BMPR1B: variants seen among roughly 807,000 people sequenced by gnomAD.
BMPR1B encodes bone morphogenetic protein receptor type-1B.
BMPR1B carries 12 observed loss-of-function variants against 59.1 expected under a neutral mutation model. The observed-to-expected ratio is 0.20, with a 90% CI of 0.13 to 0.33. The LOEUF is 0.33. Among genes scored for constraint, BMPR1B ranks in the 10% least tolerant of loss-of-function variants. The pLI, the probability that BMPR1B is intolerant of heterozygous loss-of-function variation, is 1.00. For missense variants in BMPR1B, 550 were observed against 610.9 expected (o/e 0.90, Z 1.05); for synonymous variants, 237 against 207.3 (o/e 1.14, Z -1.23).
At chr4:95,113,031 G>C (rs895062065) in intron 4 of BMPR1B, among the ~76,000 whole-genome samples, 1 of 152,044 alleles carries the variant, frequency 6.6e-6, no homozygotes, top group Non-Finnish European at 1.5e-5. Flanking sequence ...GATGAGAAAT[G>C]TAAGTTATAC....
intron 10 of BMPR1B, among the ~76,000 whole-genome samples, chr4:95,148,248 A>G (rs1010450604): frequency 5.3e-5 from 8 of 152,216 alleles, no homozygotes; most frequent in African/African-American, 1.9e-4. Context: ...TCATGTGTGC[A>G]TGCCCATTTT....
chr4:94,934,110 A>C (rs986593136), intron 2 of BMPR1B, among the ~76,000 whole-genome samples: 4 of 152,144 alleles, frequency 2.6e-5, no homozygotes, highest in African/African-American at 9.7e-5. Flanking sequence ...GTTTTTGGAA[A>C]TATGTGATTT....
At chr4:95,096,565 TTC>T (rs1730386649) in intron 3 of BMPR1B, among the ~76,000 whole-genome samples, 1 of 150,916 alleles carries the variant, frequency 6.6e-6, no homozygotes, top group African/African-American at 2.4e-5. Context: ...GTGAAAATAA[TTC>T]TATTGTTTAT....
chr4:94,880,765 G>A (rs1243462966), intron 2 of BMPR1B, among the ~76,000 whole-genome samples: 1 of 149,306 alleles, frequency 6.7e-6, no homozygotes, highest in Non-Finnish European at 1.5e-5. Context: ...AGCCTCCCAA[G>A]TAGCTGAGAT....
Position 95,079,825 on chromosome 4 carries a change from A to G in BMPR1B, c.-17-24583A>G, listed in dbSNP as rs533220628. ...CAAAACAAAAGCTATCAAATAGGCAAACAAAAGCAAAAATCAACCAAGACT... is the reference window on the plus strand; with the variant it reads ...CAAAACAAAAGCTATCAAATAGGCAGACAAAAGCAAAAATCAACCAAGACT... On this transcript the variant is annotated intron_variant, in intron 3 of 12. Coordinates refer to ENST00000515059, the MANE Select transcript of BMPR1B (RefSeq NM_001203.3). Among the ~76,000 whole-genome samples, 4 of 152,172 alleles carry G rather than the reference A, an allele frequency of 2.6e-5. No homozygotes were observed. The South Asian group carries it at 8.3e-4, about 32-fold the overall frequency.
At chr4:95,002,133 C>T (rs1438190732) in intron 3 of BMPR1B, among the ~76,000 whole-genome samples, 1 of 152,088 alleles carries the variant, frequency 6.6e-6, no homozygotes, top group Non-Finnish European at 1.5e-5. Flanking sequence ...TTCCTACCTT[C>T]CCTCCCTCCA....
At chr4:95,135,718 C>G (rs1370790119) in intron 10 of BMPR1B, among the ~76,000 whole-genome samples, 7 of 152,112 alleles carry the variant, frequency 4.6e-5, no homozygotes, top group Non-Finnish European at 1.0e-4. Context: ...ATTTTGTATC[C>G]TGAGACTTTG....
At chr4:95,100,923 A>G (rs969758810) in intron 3 of BMPR1B, among the ~76,000 whole-genome samples, 3 of 152,182 alleles carry the variant, frequency 2.0e-5, no homozygotes, top group Non-Finnish European at 1.5e-5. Context: ...TTTCTTTAAT[A>G]TAATCTACTT....
At chr4:95,137,424 T>C (rs896867520) in intron 10 of BMPR1B, among the ~76,000 whole-genome samples, 1 of 152,196 alleles carries the variant, frequency 6.6e-6, no homozygotes, top group Non-Finnish European at 1.5e-5. Flanking sequence ...GTCTATTAGG[T>C]CTGCTTGGTG....
At chr4:94,950,003 T>C (rs899052202) in intron 2 of BMPR1B, among the ~76,000 whole-genome samples, 2 of 152,242 alleles carry the variant, frequency 1.3e-5, no homozygotes, top group Non-Finnish European at 2.9e-5. Flanking sequence ...TGAGATGATA[T>C]CTCATTGTGG....
intron 2 of BMPR1B, among the ~76,000 whole-genome samples, chr4:94,910,639 G>A (rs1728236685): frequency 6.6e-6 from 1 of 152,086 alleles, no homozygotes; most frequent in Admixed American, 6.6e-5. Context: ...CAGGTATGGT[G>A]GCTTATGCCT....
intron 3 of BMPR1B, among the ~76,000 whole-genome samples, chr4:95,052,777 G>A (rs190411976): frequency 4.6e-5 from 7 of 152,194 alleles, no homozygotes; most frequent in African/African-American, 7.2e-5. Flanking sequence ...TACTTATACC[G>A]TATACATAAG....
At chr4:95,055,526 T>A (rs1726856447) in intron 3 of BMPR1B, among the ~76,000 whole-genome samples, 1 of 152,218 alleles carries the variant, frequency 6.6e-6, no homozygotes. Flanking sequence ...AAATGTTTTC[T>A]ACTACAGCTA....
chr4:94,852,160 T>C (rs1401157682), intron 1 of BMPR1B, among the ~76,000 whole-genome samples: 1 of 152,154 alleles, frequency 6.6e-6, no homozygotes, highest in Non-Finnish European at 1.5e-5. Flanking sequence ...GGATTAGGTG[T>C]AAGGAGGTAC....
intron 1 of BMPR1B, among the ~76,000 whole-genome samples, chr4:94,782,595 C>T (rs1050900545): frequency 3.3e-5 from 5 of 152,134 alleles, no homozygotes; most frequent in African/African-American, 1.2e-4. Context: ...TGTGAACTGT[C>T]ACACCTGGCC....
intron 1 of BMPR1B, among the ~76,000 whole-genome samples, chr4:94,830,902 A>G (rs564251307): frequency 1.3e-5 from 2 of 152,234 alleles, no homozygotes; most frequent in Non-Finnish European, 2.9e-5. Context: ...ACAATTATGT[A>G]CAGTTTATCA....
intron 2 of BMPR1B, among the ~76,000 whole-genome samples, chr4:94,898,342 G>A (rs998836328): frequency 6.6e-6 from 1 of 151,962 alleles, no homozygotes; most frequent in African/African-American, 2.4e-5. Flanking sequence ...ACTTTGATAT[G>A]GTTTGGCTTG....
intron 10 of BMPR1B, among the ~76,000 whole-genome samples, 179 bp downstream of exon 10, chr4:95,131,691 T>C (rs1261958832): frequency 6.6e-6 from 1 of 152,234 alleles, no homozygotes; most frequent in Non-Finnish European, 1.5e-5. Context: ...GTTCTATTGT[T>C]TCTATGCTCA....
intron 2 of BMPR1B, among the ~76,000 whole-genome samples, chr4:94,989,983 T>C (rs754223532): frequency 6.6e-6 from 1 of 152,208 alleles, no homozygotes; most frequent in African/African-American, 2.4e-5. Context: ...TGGGAAACAG[T>C]TGGACAGTTC....
Sources: gnomAD v4.1 joint callset for allele counts (sites outside exome capture counted in the v4.1 genomes callset) on GRCh38, gnomAD v4.1.1 for gene constraint, MANE v1.5 for transcripts, NCBI Gene and HGNC (gene_info 2026-07-23, HGNC 2026-07-21) for gene names.